Variants in FOXP1 observed in about 807,000 individuals in gnomAD.
FOXP1 encodes the protein forkhead box protein P1.
In FOXP1, 15 loss-of-function variants were observed where a neutral mutation model predicts 98.2. The ratio of observed to expected loss-of-function variants is 0.15; its 90% CI spans 0.10 to 0.24. The LOEUF is 0.24. FOXP1 is among the 10% of genes least tolerant of loss of function. The probability of loss-of-function intolerance (pLI) is 1.00; values close to 1 mark genes in which losing one functional copy is unlikely to be tolerated. For missense variants in FOXP1, 633 were observed against 848.5 expected (o/e 0.75, Z 3.15); for synonymous variants, 371 against 314.5 (o/e 1.18, Z -1.90).
At chr3:71,345,775 G>C (rs913017129) in intron 4 of FOXP1, among the ~76,000 whole-genome samples, 1 of 150,326 alleles carries the variant, frequency 6.7e-6, no homozygotes, top group Non-Finnish European at 1.5e-5. Context: ...AGTGCAGATG[G>C]GGGAGCTGGT....
Position 71,053,787 on chromosome 3 carries a change from G to A in FOXP1, c.283-14C>T, listed in dbSNP as rs1559825974. On this transcript the variant is annotated splice_polypyrimidine_tract_variant and intron_variant, in intron 7 of 20. Transcript: ENST00000649528. ...TGACACGGGAACCTAGAATGTTAATGAAGGATAAATAGGAAGCCAGGAAAT... is the reference window on the plus strand; with the variant it reads ...TGACACGGGAACCTAGAATGTTAATAAAGGATAAATAGGAAGCCAGGAAAT... The A allele has an allele frequency of 6.2e-7, 1 of 1,613,964 alleles. No homozygotes were observed. Among genetic ancestry groups the A allele is most frequent in the East Asian group, 2.2e-5 (1 of 44,868 alleles).
chr3:71,368,818 C>G (rs2079093852), intron 3 of FOXP1, among the ~76,000 whole-genome samples: 1 of 152,176 alleles, frequency 6.6e-6, no homozygotes, highest in Admixed American at 6.5e-5. Flanking sequence ...CCCTGTTCCT[C>G]TTCCCCACCA....
intron 5 of FOXP1, among the ~76,000 whole-genome samples, chr3:71,217,368 C>T (rs2065022442): frequency 6.6e-6 from 1 of 152,098 alleles, no homozygotes; most frequent in Admixed American, 6.6e-5. Context: ...CCACTGTGCC[C>T]AGCCTAGGAT....
chr3:70,956,589 T>C lies in FOXP1; in HGVS notation c.*2658A>G, dbSNP rs771680445. On this transcript the variant is annotated 3_prime_UTR_variant, in exon 21 of 21. Transcript: ENST00000649528. ...ATCTTTACTCATGTCTAGCTACACA[T>C]GCTGAGAATGAACTAATCTACCAGA... 3.0e-5 allele frequency: 7 copies of C among 230,500 alleles called. No homozygotes were observed. The highest frequency in any genetic ancestry group is 6.0e-5 in the Non-Finnish European group (7 of 116,302). 14.3% of individuals were successfully genotyped at this position (230,500 alleles called of 1,614,324 possible).
chr3:71,286,936 C>T (rs765810660), intron 5 of FOXP1, among the ~76,000 whole-genome samples: 1 of 152,114 alleles, frequency 6.6e-6, no homozygotes, highest in African/African-American at 2.4e-5. Flanking sequence ...TGAGTTATCT[C>T]GAGATGTCCA....
Position 71,397,023 on chromosome 3 carries a change from T to TATATGTGTATATATATAC in FOXP1, c.-167-37780_-167-37779insGTATATATATACACATAT, listed in dbSNP as rs1553871544. ...ATATATATGTGTATATATATATATA[T>TATATGTGTATATATATAC]ACATATATATGTGTATATATATATA... On this transcript the variant is annotated intron_variant, in intron 3 of 20. Coordinates refer to ENST00000649528, the MANE Select transcript of FOXP1 (RefSeq NM_001349338.3). Among the ~76,000 whole-genome samples the TATATGTGTATATATATAC allele has an allele frequency of 2.3e-3, 55 of 24,042 alleles. 14 individuals carry two copies. The highest frequency in any genetic ancestry group is 0.043 in the Middle Eastern group (2 of 46). 15.8% of individuals were successfully genotyped at this position (24,042 alleles called of 152,430 possible). A position where few individuals can be genotyped will look rare whatever the true frequency, so the allele number is the denominator to read the frequency against.
At chr3:71,033,427 T>C (rs1009064126) in intron 11 of FOXP1, among the ~76,000 whole-genome samples, 2 of 152,056 alleles carry the variant, frequency 1.3e-5, no homozygotes, top group African/African-American at 4.8e-5. Context: ...TCCAGACCCA[T>C]GATGTCATTT....
chr3:71,338,038 T>C (rs1450831780), intron 4 of FOXP1, among the ~76,000 whole-genome samples: 2 of 152,180 alleles, frequency 1.3e-5, no homozygotes, highest in Non-Finnish European at 1.5e-5. Flanking sequence ...TAAGGAGGAA[T>C]TTCCTCTGAA....
chr3:71,271,679 A>C (rs775979245), intron 5 of FOXP1, among the ~76,000 whole-genome samples: 8 of 152,232 alleles, frequency 5.3e-5, no homozygotes, highest in Non-Finnish European at 1.2e-4. Context: ...TATGTTCCAC[A>C]TGTGAATATA....
In FOXP1 at chr3:71,112,687, G is replaced by A. The variant is rs17008224; in HGVS notation, c.181-50C>T. ...TTTGCGTTACTACACAGGTTCAGGGGACTCTTCATAAAAAAGGATTCCAGG... is the reference window on the plus strand; with the variant it reads ...TTTGCGTTACTACACAGGTTCAGGGAACTCTTCATAAAAAAGGATTCCAGG... On this transcript the variant is annotated intron_variant, in intron 6 of 20. Transcript: ENST00000649528. The A allele has an allele frequency of 0.017, 23,007 of 1,373,636 alleles. 840 individuals carry two copies. Among genetic ancestry groups the A allele is most frequent in the East Asian group, 0.16 (6,978 of 43,626 alleles). 85.1% of individuals were successfully genotyped at this position (1,373,636 alleles called of 1,614,324 possible).
At chr3:71,472,093 A>T (rs2089413515) in intron 3 of FOXP1, among the ~76,000 whole-genome samples, 1 of 152,114 alleles carries the variant, frequency 6.6e-6, no homozygotes, top group Non-Finnish European at 1.5e-5. Context: ...GTTTTTCATT[A>T]TGTTTTGTGT....
chr3:71,404,428 T>C (rs1430459621), intron 3 of FOXP1, among the ~76,000 whole-genome samples: 1 of 152,084 alleles, frequency 6.6e-6, no homozygotes, highest in African/African-American at 2.4e-5. Context: ...GGCCGGCCTG[T>C]ATTGGGTTAT....
At chr3:71,184,225 T>C (rs1233680550) in intron 6 of FOXP1, among the ~76,000 whole-genome samples, 1 of 152,176 alleles carries the variant, frequency 6.6e-6, no homozygotes, top group African/African-American at 2.4e-5. Context: ...CACTGCTGAC[T>C]GCCATAGAGC....
intron 7 of FOXP1, among the ~76,000 whole-genome samples, chr3:71,070,850 AC>A (rs2053134837): frequency 6.6e-6 from 1 of 152,214 alleles, no homozygotes; most frequent in Admixed American, 6.5e-5. Flanking sequence ...AGCAGTTGCA[AC>A]CTCAAAAGCA....
intron 5 of FOXP1, among the ~76,000 whole-genome samples, chr3:71,223,592 G>A (rs2065578727): frequency 6.6e-6 from 1 of 150,584 alleles, no homozygotes; most frequent in Admixed American, 6.7e-5. Flanking sequence ...CTACTCGGGA[G>A]ACTGAGGCAG....
rs190609791 is a variant in FOXP1, at chr3:71,206,068, A to G, written c.-11-7676T>C. On this transcript the variant is annotated intron_variant, in intron 5 of 20. Coordinates refer to ENST00000649528, the MANE Select transcript of FOXP1 (RefSeq NM_001349338.3). ...CAGCTCCATTTGTTTAATAAGAATA[A>G]TAAATAAATACATCTTTTATCTCAA... Among the ~76,000 whole-genome samples, 173 of 152,360 alleles carry G rather than the reference A, an allele frequency of 1.1e-3. 3 individuals are homozygous for G. The highest frequency in any genetic ancestry group is 3.4e-4 in the Non-Finnish European group (23 of 68,032).
intron 7 of FOXP1, among the ~76,000 whole-genome samples, chr3:71,063,489 A>G (rs2051834445): frequency 6.6e-6 from 1 of 152,378 alleles, no homozygotes; most frequent in East Asian, 1.9e-4. Context: ...GCATCTATAC[A>G]TTCCTCTTGG....
chr3:71,434,858 A>C lies in FOXP1; in HGVS notation c.-168+58568T>G, dbSNP rs143500236. On this transcript the variant is annotated intron_variant, in intron 3 of 20. Coordinates refer to ENST00000649528, the MANE Select transcript of FOXP1 (RefSeq NM_001349338.3). ...TACACACATGCCTGCACACACACAA[A>C]TAGAGAGACTCAGAGATTTTTCAGC... Among the ~76,000 whole-genome samples, 20 of 152,214 alleles carry C rather than the reference A, an allele frequency of 1.3e-4. 1 individual carries two copies. The East Asian group carries it at 3.9e-3, about 30-fold the overall frequency.
At chr3:71,298,188 C>T (rs555806837) in intron 5 of FOXP1, among the ~76,000 whole-genome samples, 22 of 152,212 alleles carry the variant, frequency 1.4e-4, no homozygotes, top group African/African-American at 4.8e-4. Context: ...AAACTGAGGC[C>T]GGGAGCAGTG....
Sources: allele counts gnomAD v4.1 joint callset (sites outside exome capture counted in the v4.1 genomes callset), GRCh38; gene constraint gnomAD v4.1.1; transcripts MANE v1.5; gene names NCBI Gene and HGNC (gene_info 2026-07-23, HGNC 2026-07-21).